Variants in PTPRN2 observed in about 807,000 individuals in gnomAD.
PTPRN2 encodes protein tyrosine phosphatase receptor type N2.
Under a neutral mutation model 118.8 loss-of-function variants are expected in PTPRN2, and 74 were observed. The ratio of observed to expected loss-of-function variants is 0.62; its 90% CI spans 0.52 to 0.76. The LOEUF (loss-of-function observed/expected upper bound fraction) is 0.76. PTPRN2 is among the 30% of genes least tolerant of loss of function. PTPRN2 has a pLI of 0.00. For synonymous variants in PTPRN2, 641 were observed against 608.0 expected, an observed-to-expected ratio of 1.05 and a Z score of -0.80; for missense variants, 1,481 against 1,394.4, an observed-to-expected ratio of 1.06 and a Z score of -0.99.
At chr7:158,340,925 TCAATCA>T (rs1806628275) in intron 2 of PTPRN2, among the ~76,000 whole-genome samples, 2 of 85,524 alleles carry the variant, frequency 2.3e-5, no homozygotes, top group Non-Finnish European at 5.1e-5. Flanking sequence ...CCCACACACG[TCAATCA>T]CACTCACACT....
At chr7:157,981,729 G>A (rs1435840283) in intron 11 of PTPRN2, among the ~76,000 whole-genome samples, 3 of 152,126 alleles carry the variant, frequency 2.0e-5, no homozygotes, top group Non-Finnish European at 2.9e-5. Flanking sequence ...ATGACCCTTG[G>A]GCGTTTCCAA....
intron 19 of PTPRN2, among the ~76,000 whole-genome samples, chr7:157,573,692 G>T (rs1261062679): frequency 6.6e-6 from 1 of 152,162 alleles, no homozygotes; most frequent in Non-Finnish European, 1.5e-5. Context: ...AACCCCCTTG[G>T]CTGGGAAATG....
chr7:158,046,999 C>T (rs996391442), intron 11 of PTPRN2, among the ~76,000 whole-genome samples: 3 of 152,184 alleles, frequency 2.0e-5, no homozygotes, highest in Non-Finnish European at 2.9e-5. Flanking sequence ...ACAAGGGAGG[C>T]GAGCGGCTGC....
intron 12 of PTPRN2, among the ~76,000 whole-genome samples, chr7:157,883,835 G>T (rs1008135311): frequency 1.4e-5 from 2 of 147,364 alleles, no homozygotes; most frequent in Admixed American, 6.8e-5. Flanking sequence ...GACTGTCAGA[G>T]ATCAGAACAC....
chr7:158,175,563 G>T (rs901584252), intron 5 of PTPRN2, among the ~76,000 whole-genome samples: 2 of 152,134 alleles, frequency 1.3e-5, no homozygotes, highest in Non-Finnish European at 2.9e-5. Flanking sequence ...CGTGTGGAGG[G>T]GAAATAATTG....
intron 2 of PTPRN2, among the ~76,000 whole-genome samples, chr7:158,392,746 C>G (rs1247321570): frequency 6.6e-6 from 1 of 152,172 alleles, no homozygotes; most frequent in Non-Finnish European, 1.5e-5. Flanking sequence ...CAAGCCGGAG[C>G]CTCGCCAGGA....
At chr7:157,911,354 C>T (rs917236411) in intron 11 of PTPRN2, among the ~76,000 whole-genome samples, 1 of 152,236 alleles carries the variant, frequency 6.6e-6, no homozygotes, top group African/African-American at 2.4e-5. Context: ...TCCCATCCTG[C>T]TTAGTATAGA....
At chr7:158,189,110 A>T (rs1268380698) in intron 5 of PTPRN2, among the ~76,000 whole-genome samples, 1 of 152,212 alleles carries the variant, frequency 6.6e-6, no homozygotes, top group African/African-American at 2.4e-5. Context: ...GAATTGCTCA[A>T]TATCTACCAA....
At chr7:158,261,917 T>A (rs1797427582) in intron 3 of PTPRN2, among the ~76,000 whole-genome samples, 1 of 152,206 alleles carries the variant, frequency 6.6e-6, no homozygotes, top group Non-Finnish European at 1.5e-5. Context: ...GAGGGAGGAA[T>A]CTAGGAGCTC....
intron 2 of PTPRN2, among the ~76,000 whole-genome samples, chr7:158,393,634 A>G (rs886431097): frequency 6.6e-6 from 1 of 152,146 alleles, no homozygotes. Context: ...TTTCAGCGTC[A>G]TTTTCATCAG....
At chr7:158,152,340 G>A (rs571156331) in intron 6 of PTPRN2, among the ~76,000 whole-genome samples, 138 of 152,316 alleles carry the variant, frequency 9.1e-4, no homozygotes, top group Non-Finnish European at 1.6e-3. Context: ...GAGGCCTGAG[G>A]GAGGTGAGCA....
chr7:158,403,874 C>T (rs191000744), intron 2 of PTPRN2, among the ~76,000 whole-genome samples: 96 of 152,274 alleles, frequency 6.3e-4, no homozygotes, highest in Non-Finnish European at 5.6e-4. Context: ...TTGCTTTATG[C>T]CTTTAGCTAG....
intron 13 of PTPRN2, among the ~76,000 whole-genome samples, chr7:157,682,046 C>T (rs1197744957): frequency 1.3e-5 from 2 of 152,216 alleles, no homozygotes; most frequent in African/African-American, 4.8e-5. Flanking sequence ...AAACCGAAGG[C>T]CTATGTTCAT....
chr7:158,338,209 C>T (rs1371409502), intron 2 of PTPRN2, among the ~76,000 whole-genome samples: 2 of 77,454 alleles, frequency 2.6e-5, no homozygotes, highest in Non-Finnish European at 2.6e-5. Context: ...ACGTCACTCA[C>T]ACCCACACTC....
chr7:158,556,879 C>A (rs1350589800), intron 1 of PTPRN2, among the ~76,000 whole-genome samples: 1 of 140,564 alleles, frequency 7.1e-6, no homozygotes, highest in African/African-American at 2.7e-5. Context: ...TCAGGCGGCT[C>A]CCGTGAAGGT....
In PTPRN2 at chr7:157,787,315, C is replaced by T. The variant is rs552457284; in HGVS notation, c.1789-104378G>A. Reference sequence around the variant, plus strand: ...GATCAGGTGAGCAAGGGGGCTCATCCGTGGCCTCCAGGCCCCACCTTGATG... The same window carrying T: ...GATCAGGTGAGCAAGGGGGCTCATCTGTGGCCTCCAGGCCCCACCTTGATG... On this transcript the variant is annotated intron_variant, in intron 12 of 22. Coordinates refer to ENST00000389418, the MANE Select transcript of PTPRN2 (RefSeq NM_002847.5). This position sits in a 1 kb window ranked among gnomAD's most constrained non-coding sequence, Gnocchi z 5.3. Among the ~76,000 whole-genome samples the T allele has an allele frequency of 7.7e-4, 118 of 152,280 alleles. 1 individual carries two copies. Among genetic ancestry groups the T allele is most frequent in the African/African-American group, 2.6e-3 (106 of 41,564 alleles).
chr7:158,195,620 TA>T (rs57327902), intron 4 of PTPRN2, among the ~76,000 whole-genome samples: 67,658 of 148,744 alleles, frequency 0.45, 16,114 homozygotes, highest in African/African-American at 0.63. Flanking sequence ...TGGTGTTTTT[TA>T]TTTTTTTTTA....
At chr7:158,432,760 G>C (rs1260270137) in intron 2 of PTPRN2, among the ~76,000 whole-genome samples, 1 of 152,148 alleles carries the variant, frequency 6.6e-6, no homozygotes, top group Admixed American at 6.5e-5. Context: ...GCTCAGAACA[G>C]ATGCAACCCC....
At chr7:158,119,533 T>C (rs1816982292) in intron 9 of PTPRN2, among the ~76,000 whole-genome samples, 2 of 152,136 alleles carry the variant, frequency 1.3e-5, no homozygotes, top group Non-Finnish European at 2.9e-5. Context: ...CCTTGGTATC[T>C]ACAGTAGTCC....
Sources: allele counts gnomAD v4.1 joint callset (sites outside exome capture counted in the v4.1 genomes callset), GRCh38; gene constraint gnomAD v4.1.1; non-coding constraint Gnocchi (gnomAD v3.1); transcripts MANE v1.5; gene names NCBI Gene and HGNC (gene_info 2026-07-23, HGNC 2026-07-21).